RORA: variants seen among roughly 807,000 people sequenced by gnomAD.
RORA encodes RAR related orphan receptor A.
RORA carries 7 observed loss-of-function variants against 69.5 expected under a neutral mutation model. The observed-to-expected ratio is 0.10, with a 90% CI of 0.06 to 0.19. The LOEUF (loss-of-function observed/expected upper bound fraction) is 0.19. Among genes scored for constraint, RORA ranks in the 10% least tolerant of loss-of-function variants. The pLI, the probability that RORA is intolerant of heterozygous loss-of-function variation, is 1.00. For missense variants in RORA, 457 were observed against 663.0 expected, an observed-to-expected ratio of 0.69 and a Z score of 3.41; for synonymous variants, 261 against 240.8, an observed-to-expected ratio of 1.08 and a Z score of -0.78.
chr15:60,532,728 G>T (rs905239554), intron 2 of RORA, among the ~76,000 whole-genome samples: 3 of 152,142 alleles, frequency 2.0e-5, no homozygotes, highest in South Asian at 4.1e-4. Flanking sequence ...CTATTAAATA[G>T]AATTTATATG....
At chr15:60,939,136 C>A (rs1892613433) in intron 1 of RORA, among the ~76,000 whole-genome samples, 1 of 152,222 alleles carries the variant, frequency 6.6e-6, no homozygotes, top group Non-Finnish European at 1.5e-5. Flanking sequence ...GGCCTTAGTG[C>A]TCCCTCGGAG....
chr15:60,811,645 T>G (rs1035363914), intron 1 of RORA, among the ~76,000 whole-genome samples: 8 of 152,258 alleles, frequency 5.3e-5, no homozygotes, highest in African/African-American at 1.9e-4. Context: ...ACAGAAACAT[T>G]CTTTGAAAAG....
At chr15:61,169,512 C>A (rs1279722143) in intron 1 of RORA, among the ~76,000 whole-genome samples, 1 of 151,942 alleles carries the variant, frequency 6.6e-6, no homozygotes, top group African/African-American at 2.4e-5. Flanking sequence ...CTCTCTGCCT[C>A]CTCCTCACAC....
At chr15:60,945,145 T>C (rs1266919305) in intron 1 of RORA, among the ~76,000 whole-genome samples, 1 of 152,162 alleles carries the variant, frequency 6.6e-6, no homozygotes. Context: ...CCCATATAGA[T>C]AACCTATAAA....
At chr15:61,148,366 A>C (rs1297815548) in intron 1 of RORA, among the ~76,000 whole-genome samples, 1 of 152,184 alleles carries the variant, frequency 6.6e-6, no homozygotes, top group African/African-American at 2.4e-5. Flanking sequence ...TATTCAGAAG[A>C]TGGTGCCGGA....
chr15:60,662,509 T>C (rs999475002), intron 2 of RORA, among the ~76,000 whole-genome samples: 11 of 152,306 alleles, frequency 7.2e-5, no homozygotes, highest in Admixed American at 6.5e-4. Flanking sequence ...TTTTTATAAT[T>C]GAGAAAAATG....
intron 1 of RORA, among the ~76,000 whole-genome samples, chr15:60,927,743 C>T (rs1180309947): frequency 6.6e-6 from 1 of 152,178 alleles, no homozygotes; most frequent in African/African-American, 2.4e-5. Flanking sequence ...CACTGCACTC[C>T]AGCCTGGGTG....
chr15:60,622,648 A>G (rs2069448692), intron 2 of RORA, among the ~76,000 whole-genome samples: 1 of 152,180 alleles, frequency 6.6e-6, no homozygotes, highest in Non-Finnish European at 1.5e-5. Context: ...AAAGAAATAC[A>G]ATACCAAGAT....
chr15:60,705,436 A>C (rs1259622285), intron 1 of RORA, among the ~76,000 whole-genome samples: 1 of 152,192 alleles, frequency 6.6e-6, no homozygotes, highest in Non-Finnish European at 1.5e-5. Flanking sequence ...TGACCCTGTG[A>C]TTTCTGAACA....
intron 1 of RORA, among the ~76,000 whole-genome samples, chr15:60,804,439 G>A (rs990217733): frequency 3.9e-5 from 6 of 152,120 alleles, no homozygotes; most frequent in African/African-American, 1.4e-4. Context: ...TGACAAATTA[G>A]GAAACTGAGG....
At chr15:61,124,746 C>G (rs1268129005) in intron 1 of RORA, among the ~76,000 whole-genome samples, 2 of 152,154 alleles carry the variant, frequency 1.3e-5, no homozygotes, top group Admixed American at 6.5e-5. Context: ...TACTAAGGAG[C>G]CTTGTAACTC....
intron 1 of RORA, among the ~76,000 whole-genome samples, chr15:61,115,523 G>C (rs1253968563): frequency 6.6e-6 from 1 of 152,202 alleles, no homozygotes. Context: ...TGGCATTAGA[G>C]TGAAGTGAGG....
intron 2 of RORA, chr15:60,556,985 T>G: frequency 7.0e-7 from 1 of 1,434,564 alleles, no homozygotes; most frequent in Non-Finnish European, 9.8e-7. Flanking sequence ...TATCAGAGCA[T>G]GTATTTATGC....
rs530210589 is a variant in RORA at position 60,714,040 on chromosome 15, A to ATC, written c.167-35356_167-35355dup. Reference sequence around the variant, plus strand: ...AAATTGAATTAGCACCTTCTTCATTATCTCTCTCTCTCTCTCTCTTTTTTT... The same window carrying ATC: ...AAATTGAATTAGCACCTTCTTCATTATCTCTCTCTCTCTCTCTCTCTTTTTTT... On this transcript the variant is annotated intron_variant, in intron 1 of 10. Transcript: ENST00000335670. 2.3e-4 allele frequency among the ~76,000 whole-genome samples: 34 copies of ATC among 149,724 alleles called. No homozygotes were observed. The South Asian group carries it at 2.3e-3, about 10-fold the overall frequency.
rs546675297 is a variant in RORA at position 60,749,445 on chromosome 15, T to C, written c.167-70759A>G. ...TATTCTATGGTGGTGAGTTATGATA[T>C]GTAGTCAAATATTGAACTGTTTTAG... is the stretch of plus-strand genomic sequence containing the variant. On this transcript the variant is annotated intron_variant, in intron 1 of 10. Transcript: ENST00000335670. Among the ~76,000 whole-genome samples, 19 of 152,358 alleles carry C rather than the reference T, an allele frequency of 1.2e-4. No individual in the cohort carries two copies. The East Asian group carries it at 3.5e-3, about 28-fold the overall frequency.
chr15:60,884,519 A>G (rs1044253112), intron 1 of RORA, among the ~76,000 whole-genome samples: 14 of 152,220 alleles, frequency 9.2e-5, no homozygotes, highest in African/African-American at 3.4e-4. Context: ...ATCTAAAAAT[A>G]TAAATCCACA....
intron 2 of RORA, among the ~76,000 whole-genome samples, chr15:60,618,072 CA>C (rs2069304236): frequency 6.6e-6 from 1 of 152,222 alleles, no homozygotes; most frequent in Admixed American, 6.5e-5. Flanking sequence ...CTACAGGCCA[CA>C]GATAAGGTGT....
rs2140792534 is a variant in RORA at position 60,701,703 on chromosome 15, TCCTTGCGGGC to T, written c.167-23027_167-23018del. 1.3e-5 allele frequency among the ~76,000 whole-genome samples: 2 copies of T among 152,288 alleles called. 1 individual carries two copies. Among genetic ancestry groups the T allele is most frequent in the South Asian group, 4.2e-4 (2 of 4,814 alleles). ...TCTGCTGTGATTTTTCCTGCCCTTG[TCCTTGCGGGC>T]CCATGCTGTTTCTATAGGAGAGAGA... is the stretch of plus-strand genomic sequence containing the variant. On this transcript the variant is annotated intron_variant, in intron 1 of 10. Transcript: ENST00000335670.
rs147563365 is a variant in RORA, at chr15:60,766,863, G to A, written c.167-88177C>T. 1.6e-4 allele frequency among the ~76,000 whole-genome samples: 25 copies of A among 152,194 alleles called. No individual in the cohort carries two copies. In the East Asian group the frequency reaches 4.8e-3, roughly 29 times the overall value. ...CGATGTCTGTATGTGGCTAAAGTCAGTGCCCTCCAACCATGAAGCATCTGC... is the reference window on the plus strand; with the variant it reads ...CGATGTCTGTATGTGGCTAAAGTCAATGCCCTCCAACCATGAAGCATCTGC... On this transcript the variant is annotated intron_variant, in intron 1 of 10. Coordinates refer to ENST00000335670, the MANE Select transcript of RORA (RefSeq NM_134261.3).
Sources: allele counts gnomAD v4.1 joint callset (sites outside exome capture counted in the v4.1 genomes callset), GRCh38; gene constraint gnomAD v4.1.1; transcripts MANE v1.5; gene names NCBI Gene and HGNC (gene_info 2026-07-23, HGNC 2026-07-21).